The following AGAP1 variants were observed in gnomAD, a reference collection of about 807,000 sequenced individuals.
The protein encoded by AGAP1 is arf-GAP with GTPase, ANK repeat and PH domain-containing protein 1.
A neutral mutation model predicts 105.3 loss-of-function variants in AGAP1; 29 were observed. The observed-to-expected ratio is 0.28, with a 90% confidence interval of 0.21 to 0.38. The LOEUF is 0.38. Ranked by LOEUF, AGAP1 falls within the 10% of genes least tolerant of loss-of-function variation. AGAP1 has a pLI of 1.00. For synonymous variants in AGAP1, 509 were observed against 485.9 expected, an observed-to-expected ratio of 1.05 and a Z score of -0.63; for missense variants, 998 against 1,165.1, an observed-to-expected ratio of 0.86 and a Z score of 2.09.
chr2:235,761,673 G>A (rs994597441), intron 6 of AGAP1, among the ~76,000 whole-genome samples: 2 of 152,110 alleles, frequency 1.3e-5, no homozygotes, highest in Non-Finnish European at 2.9e-5. Context: ...TGTACTTTTT[G>A]ACCTAGTTAA....
At chr2:236,016,662 A>C (rs555033128) in intron 13 of AGAP1, among the ~76,000 whole-genome samples, 1 of 152,150 alleles carries the variant, frequency 6.6e-6, no homozygotes, top group Non-Finnish European at 1.5e-5. Context: ...CTTCTCAGGT[A>C]ATACACAGCA....
chr2:235,870,275 C>A (rs115993102), intron 9 of AGAP1, among the ~76,000 whole-genome samples: 1 of 152,146 alleles, frequency 6.6e-6, no homozygotes, highest in Non-Finnish European at 1.5e-5. Flanking sequence ...GACCACGATA[C>A]GCAGGGGACA....
chr2:236,121,437 A>G lies in AGAP1; in HGVS notation c.2370+990A>G, dbSNP rs2059895281. On this transcript the variant is annotated intron_variant, in intron 17 of 17. Coordinates refer to ENST00000304032, the MANE Select transcript of AGAP1 (RefSeq NM_001037131.3). This position sits in a 1 kb window ranked among gnomAD's most constrained non-coding sequence, Gnocchi z 4.9. Reference sequence around the variant, plus strand: ...TGCCTCAGCCTCCCAGGAAGCTGGGATTACAGGTGCGCACCACCACGCCCA... The same window carrying G: ...TGCCTCAGCCTCCCAGGAAGCTGGGGTTACAGGTGCGCACCACCACGCCCA... Among the ~76,000 whole-genome samples the G allele has an allele frequency of 6.6e-6, 1 of 152,138 alleles. No homozygotes were observed. The highest frequency in any genetic ancestry group is 1.5e-5 in the Non-Finnish European group (1 of 68,016).
chr2:235,681,289 G>A (rs367588093), intron 1 of AGAP1, among the ~76,000 whole-genome samples: 2 of 152,154 alleles, frequency 1.3e-5, no homozygotes, highest in Admixed American at 1.3e-4. Flanking sequence ...GATTACAGGC[G>A]TGAGCCACCA....
chr2:235,742,691 A>G (rs757628007), intron 4 of AGAP1, among the ~76,000 whole-genome samples: 9 of 152,026 alleles, frequency 5.9e-5, no homozygotes, highest in Non-Finnish European at 1.0e-4. Flanking sequence ...CTTGGAGGCA[A>G]GGTCCCTCCT....
Position 235,864,169 on chromosome 2 carries a change from C to T in AGAP1, c.1051-19176C>T, listed in dbSNP as rs1157377916. On this transcript the variant is annotated intron_variant, in intron 9 of 17. Transcript: ENST00000304032. This position sits in a 1 kb window ranked among gnomAD's most constrained non-coding sequence, Gnocchi z 5.0. ...CAGTGACAACAATTTAGGGATCATT[C>T]GCTAGAATAAAGCAGGAGCAGCAGG... Among the ~76,000 whole-genome samples the T allele has an allele frequency of 6.6e-6, 1 of 152,160 alleles. No individual in the cohort carries two copies. The highest frequency in any genetic ancestry group is 2.4e-5 in the African/African-American group (1 of 41,436).
In AGAP1 at chr2:236,113,553, C is replaced by T. The variant is rs1383664749; in HGVS notation, c.2115-6639C>T. Among the ~76,000 whole-genome samples the T allele has an allele frequency of 6.6e-6, 1 of 152,224 alleles. No individual in the cohort carries two copies. The highest frequency in any genetic ancestry group is 2.4e-5 in the African/African-American group (1 of 41,468). ...AAGTGCTCCGGTTACATGGAGATTA[C>T]ACCTTGCCAGCTGAGTCATGCAGTG... On this transcript the variant is annotated intron_variant, in intron 16 of 17. Transcript: ENST00000304032. The surrounding 1 kb of genome is among the most constrained non-coding windows in gnomAD (Gnocchi z 4.3).
Position 235,890,708 on chromosome 2 carries a change from A to G in AGAP1, c.1155+7259A>G, listed in dbSNP as rs902824234. Reference sequence around the variant, plus strand: ...CTAGTGGGTGTGTTTGAAGGTAGACATTGGGAAACTGGCTGGAAGGTGTCC... The same window carrying G: ...CTAGTGGGTGTGTTTGAAGGTAGACGTTGGGAAACTGGCTGGAAGGTGTCC... On this transcript the variant is annotated intron_variant, in intron 10 of 17. Transcript: ENST00000304032. Among the ~76,000 whole-genome samples, 5 of 152,196 alleles carry G rather than the reference A, an allele frequency of 3.3e-5. No homozygotes were observed. The South Asian group carries it at 6.2e-4, about 19-fold the overall frequency.
In AGAP1 at chr2:235,714,375, C is replaced by T. The variant is rs1174597707; in HGVS notation, c.223-3182C>T. Reference sequence around the variant, plus strand: ...AGTGTGGGGGTAGGACGGGGAAGCACAAACATTCCTACCATATAGTTGAAG... The same window carrying T: ...AGTGTGGGGGTAGGACGGGGAAGCATAAACATTCCTACCATATAGTTGAAG... On this transcript the variant is annotated intron_variant, in intron 2 of 17. Coordinates refer to ENST00000304032, the MANE Select transcript of AGAP1 (RefSeq NM_001037131.3). This position sits in a 1 kb window ranked among gnomAD's most constrained non-coding sequence, Gnocchi z 4.1. Among the ~76,000 whole-genome samples the T allele has an allele frequency of 1.3e-5, 2 of 151,670 alleles. No individual in the cohort carries two copies. Among genetic ancestry groups the T allele is most frequent in the Non-Finnish European group, 2.9e-5 (2 of 68,010 alleles).
chr2:235,885,503 A>T (rs577873454), intron 10 of AGAP1, among the ~76,000 whole-genome samples: 5 of 152,198 alleles, frequency 3.3e-5, no homozygotes, highest in Non-Finnish European at 5.9e-5. Flanking sequence ...GAAGAGTCGC[A>T]TGTGCTTTCA....
intron 1 of AGAP1, among the ~76,000 whole-genome samples, chr2:235,696,788 A>G (rs1264603343): frequency 1.3e-5 from 2 of 152,066 alleles, no homozygotes; most frequent in Non-Finnish European, 2.9e-5. Context: ...ATACGAGACC[A>G]TCCCAGCCAA....
chr2:235,904,883 A>G lies in AGAP1; in HGVS notation c.1156-3855A>G, dbSNP rs2051227926. Among the ~76,000 whole-genome samples, 1 of 152,156 alleles carries G rather than the reference A, an allele frequency of 6.6e-6. No homozygotes were observed. The highest frequency in any genetic ancestry group is 2.4e-5 in the African/African-American group (1 of 41,434). ...TGAAGCGCTGAGTCGGAGGGCTTTT[A>G]TTGAGTAGGAAATGCATTTTGTAAA... On this transcript the variant is annotated intron_variant, in intron 10 of 17. Coordinates refer to ENST00000304032, the MANE Select transcript of AGAP1 (RefSeq NM_001037131.3). The surrounding 1 kb of genome is among the most constrained non-coding windows in gnomAD (Gnocchi z 4.2).
chr2:235,680,241 CG>C (rs1262005434), intron 1 of AGAP1, among the ~76,000 whole-genome samples: 1 of 152,124 alleles, frequency 6.6e-6, no homozygotes, highest in Non-Finnish European at 1.5e-5. Flanking sequence ...CTGCTTTGTC[CG>C]TGGAAATGAG....
chr2:235,814,266 A>G (rs1359156518), intron 9 of AGAP1, among the ~76,000 whole-genome samples: 2 of 152,124 alleles, frequency 1.3e-5, no homozygotes, highest in African/African-American at 4.8e-5. Context: ...CCTGCCTCCC[A>G]TTTCACCGGG....
In AGAP1 at chr2:236,045,798, T is replaced by C. The variant is rs1021042602; in HGVS notation, c.1892-3261T>C. 5.2e-6 allele frequency: 2 copies of C among 386,388 alleles called. No individual in the cohort carries two copies. The highest frequency in any genetic ancestry group is 2.1e-5 in the African/African-American group (1 of 47,828). The allele number at this position is 386,388 out of a possible 1,614,324, so 23.9% of individuals were successfully genotyped here. On this transcript the variant is annotated intron_variant, in intron 15 of 17. Transcript: ENST00000304032. The surrounding 1 kb of genome is among the most constrained non-coding windows in gnomAD (Gnocchi z 6.9). ...AGTGGTGATGCTTAGATACCAACCC[T>C]TGCCGATGAGTCATTCTCTGCTGGA... is the stretch of plus-strand genomic sequence containing the variant.
intron 1 of AGAP1, among the ~76,000 whole-genome samples, chr2:235,585,643 T>C (rs1174079014): frequency 6.6e-6 from 1 of 152,206 alleles, no homozygotes; most frequent in South Asian, 2.1e-4. Flanking sequence ...TAGGTGATTC[T>C]CAATCTAGGT....
rs1946516835 is a variant in AGAP1, at chr2:235,622,495, C to T, written c.164-86684C>T. Among the ~76,000 whole-genome samples, 1 of 152,184 alleles carries T rather than the reference C, an allele frequency of 6.6e-6. No individual in the cohort carries two copies. The highest frequency in any genetic ancestry group is 6.5e-5 in the Admixed American group (1 of 15,272). ...GAGACAGGTGTCTGGGATCTGAAGA[C>T]AGCAGTTGGGGAGGACAGTGTTGGC... On this transcript the variant is annotated intron_variant, in intron 1 of 17. Coordinates refer to ENST00000304032, the MANE Select transcript of AGAP1 (RefSeq NM_001037131.3). The surrounding 1 kb of genome is among the most constrained non-coding windows in gnomAD (Gnocchi z 5.0).
At chr2:236,118,981 A>G (rs531392387) in intron 16 of AGAP1, among the ~76,000 whole-genome samples, 48 of 152,118 alleles carry the variant, frequency 3.2e-4, no homozygotes, top group African/African-American at 1.2e-3. Flanking sequence ...CAACATAAAC[A>G]TGCCTTACTG....
rs2059458136 is a variant in AGAP1, at chr2:236,105,380, G to GT, written c.2115-14811dup. On this transcript the variant is annotated intron_variant, in intron 16 of 17. Transcript: ENST00000304032. The surrounding 1 kb of genome is among the most constrained non-coding windows in gnomAD (Gnocchi z 4.2). The stretch of plus-strand genomic sequence containing the variant: ...AAAGGCTCTGTGAGCTGTGCCTGCT[G>GT]TAACAAAATACACAACAGAAAGTAT... 6.6e-6 allele frequency among the ~76,000 whole-genome samples: 1 copy of GT among 152,052 alleles called. No individual in the cohort carries two copies. Among genetic ancestry groups the GT allele is most frequent in the Non-Finnish European group, 1.5e-5 (1 of 68,002 alleles).
Sources: gnomAD v4.1 joint callset for allele counts (sites outside exome capture counted in the v4.1 genomes callset) on GRCh38, gnomAD v4.1.1 for gene constraint, Gnocchi (gnomAD v3.1) non-coding constraint, MANE v1.5 for transcripts, NCBI Gene and HGNC (gene_info 2026-07-23, HGNC 2026-07-21) for gene names.